HECW1: variants seen among roughly 807,000 people sequenced by gnomAD.
HECW1 encodes the protein HECT, C2 and WW domain containing E3 ubiquitin protein ligase 1.
HECW1 carries 61 observed loss-of-function variants against 182.3 expected under a neutral mutation model. The observed-to-expected ratio is 0.33, with a 90% CI of 0.27 to 0.41. The LOEUF (loss-of-function observed/expected upper bound fraction) is 0.41. Ranked by LOEUF, HECW1 falls within the 10% of genes least tolerant of loss-of-function variation. The pLI is 1.00. For missense variants in HECW1, 1,739 were observed against 2,108.9 expected, an observed-to-expected ratio of 0.82 and a Z score of 3.44; for synonymous variants, 859 against 832.6, an observed-to-expected ratio of 1.03 and a Z score of -0.55.
At chr7:43,510,207 A>C (rs1401535796) in intron 24 of HECW1, 1 of 152,248 alleles carries the variant, frequency 6.6e-6, no homozygotes, top group African/African-American at 2.4e-5. Context: ...CTGAGCTCAC[A>C]TTCAGGCAGG....
intron 2 of HECW1, among the ~76,000 whole-genome samples, chr7:43,226,352 A>G (rs1228885578): frequency 6.6e-6 from 1 of 152,150 alleles, no homozygotes; most frequent in East Asian, 1.9e-4. Flanking sequence ...TTGTCTTAAA[A>G]TGAAGTCAGG....
At chr7:43,266,152 G>A (rs1055718800) in intron 3 of HECW1, among the ~76,000 whole-genome samples, 1 of 152,058 alleles carries the variant, frequency 6.6e-6, no homozygotes, top group Non-Finnish European at 1.5e-5. Flanking sequence ...TCAAGGGGCG[G>A]GCTAAAAATT....
intron 5 of HECW1, among the ~76,000 whole-genome samples, chr7:43,322,344 G>A (rs905893407): frequency 2.0e-5 from 3 of 152,188 alleles, no homozygotes; most frequent in African/African-American, 7.2e-5. Flanking sequence ...ACAGGCGTGA[G>A]CCACCGCACC....
At chr7:43,537,206 T>G (rs1003787812) in intron 24 of HECW1, among the ~76,000 whole-genome samples, 4 of 152,190 alleles carry the variant, frequency 2.6e-5, no homozygotes, top group African/African-American at 9.7e-5. Flanking sequence ...TGGGGCCCGG[T>G]ATTTAAGTAA....
intron 21 of HECW1, among the ~76,000 whole-genome samples, chr7:43,504,090 C>A: frequency 6.6e-6 from 1 of 152,290 alleles, no homozygotes; most frequent in Non-Finnish European, 1.5e-5. Context: ...ATCTACCAAC[C>A]TTTTTCTCAT....
At position 43,563,768 on chromosome 7, in the gene HECW1, C is replaced by G. The variant is rs2082269387; in HGVS notation, c.*1842C>G. The G allele has an allele frequency of 5.7e-6, 1 of 176,546 alleles. No homozygotes were observed. Among genetic ancestry groups the G allele is most frequent in the Non-Finnish European group, 1.2e-5 (1 of 82,232 alleles). 10.9% of individuals were successfully genotyped at this position (176,546 alleles called of 1,614,324 possible). On this transcript the variant is annotated 3_prime_UTR_variant, in exon 30 of 30. Transcript: ENST00000395891. ...CCGGTAGTCCCAGCTACTTGGGAGGCTGAGGAAGGAGAATCGCTCAAACCT... is the reference window on the plus strand; with the variant it reads ...CCGGTAGTCCCAGCTACTTGGGAGGGTGAGGAAGGAGAATCGCTCAAACCT...
At chr7:43,344,843 T>C (rs577391116) in intron 5 of HECW1, among the ~76,000 whole-genome samples, 56 of 152,346 alleles carry the variant, frequency 3.7e-4, no homozygotes, top group African/African-American at 1.2e-3. Context: ...TTTATCAGAA[T>C]TTCTCGGATT....
At chr7:43,488,476 G>GAAAGAA (rs1563046575) in intron 17 of HECW1, among the ~76,000 whole-genome samples, 1 of 147,506 alleles carries the variant, frequency 6.8e-6, no homozygotes, top group Admixed American at 6.7e-5. Flanking sequence ...AAGAAAGAAA[G>GAAAGAA]AAAGAAAGAA....
chr7:43,136,747 A>G (rs1787580516), intron 2 of HECW1, among the ~76,000 whole-genome samples: 1 of 152,138 alleles, frequency 6.6e-6, no homozygotes, highest in South Asian at 2.1e-4. Flanking sequence ...ACTTTTTCCC[A>G]GGGAGCTGCA....
chr7:43,261,319 T>TG (rs1423778832), intron 3 of HECW1, among the ~76,000 whole-genome samples: 5 of 152,232 alleles, frequency 3.3e-5, no homozygotes, highest in South Asian at 2.1e-4. Flanking sequence ...CCAGTTCTGT[T>TG]GCTGTGCTGT....
intron 2 of HECW1, among the ~76,000 whole-genome samples, chr7:43,162,464 C>T (rs1157267894): frequency 6.6e-6 from 1 of 152,252 alleles, no homozygotes; most frequent in Non-Finnish European, 1.5e-5. Context: ...CTCTCTGTCT[C>T]TCCTCTGCGT....
chr7:43,212,354 CCTG>C (rs1214167559), intron 2 of HECW1, among the ~76,000 whole-genome samples: 2 of 152,140 alleles, frequency 1.3e-5, no homozygotes, highest in Non-Finnish European at 2.9e-5. Flanking sequence ...ATAATTTTTT[CCTG>C]CTATTATTAC....
Position 43,305,078 on chromosome 7 carries a change from G to A in HECW1, c.28-6685G>A, listed in dbSNP as rs76139231. 8.3e-3 allele frequency among the ~76,000 whole-genome samples: 1,269 copies of A among 152,318 alleles called. 25 individuals are homozygous for A. The highest frequency in any genetic ancestry group is 0.029 in the African/African-American group (1,214 of 41,568). On this transcript the variant is annotated intron_variant, in intron 3 of 29. Transcript: ENST00000395891. ...GGTAAAGCTTCCCCTAGAAGTGACTGAGCCAGGTAGACTTTGGAATGTGGT... is the reference window on the plus strand; with the variant it reads ...GGTAAAGCTTCCCCTAGAAGTGACTAAGCCAGGTAGACTTTGGAATGTGGT...
intron 5 of HECW1, among the ~76,000 whole-genome samples, chr7:43,345,969 C>CT (rs902313461): frequency 2.6e-5 from 4 of 152,086 alleles, no homozygotes; most frequent in South Asian, 4.1e-4. Flanking sequence ...GTGCAAGTAT[C>CT]TTTTTCAAAT....
chr7:43,121,467 G>A (rs774712875), intron 2 of HECW1, among the ~76,000 whole-genome samples: 1 of 152,068 alleles, frequency 6.6e-6, no homozygotes, highest in Non-Finnish European at 1.5e-5. Context: ...TGGCAGCCAA[G>A]CAAATCATTT....
chr7:43,181,070 GA>G (rs1163706357), intron 2 of HECW1, among the ~76,000 whole-genome samples: 1 of 143,522 alleles, frequency 7.0e-6, no homozygotes, highest in East Asian at 1.9e-4. Flanking sequence ...AACTTTTTAA[GA>G]TTCCACATAT....
At position 43,326,968 on chromosome 7, in the gene HECW1, G is replaced by A. The variant is rs546172751; in HGVS notation, c.460+6226G>A. On this transcript the variant is annotated intron_variant, in intron 5 of 29. Coordinates refer to ENST00000395891, the MANE Select transcript of HECW1 (RefSeq NM_015052.5). ...ATCAGGCCACAGTCCAGATGGTTAA[G>A]GTGACATGTTGTTAGAGCCTTTTAT... Among the ~76,000 whole-genome samples the A allele has an allele frequency of 1.2e-4, 19 of 152,370 alleles. No individual in the cohort carries two copies. In the East Asian group the frequency reaches 3.1e-3, roughly 25 times the overall value.
chr7:43,512,066 G>T (rs2079901724), intron 24 of HECW1: 1 of 219,226 alleles, frequency 4.6e-6, no homozygotes, highest in Non-Finnish European at 9.1e-6. Flanking sequence ...CTGATCTCGG[G>T]TCGGTGTCAG....
intron 19 of HECW1, among the ~76,000 whole-genome samples, chr7:43,493,925 G>A (rs1725896734): frequency 6.6e-6 from 1 of 152,154 alleles, no homozygotes; most frequent in Non-Finnish European, 1.5e-5. Context: ...AGTGGGCATG[G>A]TTGCAATACT....
Sources: gnomAD v4.1 joint callset for allele counts (sites outside exome capture counted in the v4.1 genomes callset) on GRCh38, gnomAD v4.1.1 for gene constraint, MANE v1.5 for transcripts, NCBI Gene and HGNC (gene_info 2026-07-23, HGNC 2026-07-21) for gene names.